CLEC9A: variants seen among roughly 807,000 people sequenced by gnomAD.
CLEC9A encodes C-type lectin domain containing 9A.
In CLEC9A, 24 loss-of-function variants were observed where a neutral mutation model predicts 30.0. That is an observed-to-expected ratio of 0.80 (90% confidence interval 0.58 to 1.13). The LOEUF (loss-of-function observed/expected upper bound fraction) is 1.13, where lower values mean the gene tolerates loss of function less well. CLEC9A is among the 50% of genes most tolerant of loss of function. CLEC9A has a pLI of 0.00. For synonymous variants in CLEC9A, 111 were observed against 96.8 expected, an observed-to-expected ratio of 1.15 and a Z score of -0.86; for missense variants, 251 against 280.9, an observed-to-expected ratio of 0.89 and a Z score of 0.76.
At chr12:10,047,555 G>A (rs1261827966) in intron 2 of CLEC9A, among the ~76,000 whole-genome samples, 4 of 152,082 alleles carry the variant, frequency 2.6e-5, no homozygotes, top group Admixed American at 6.5e-5. Flanking sequence ...AGCAAAATTC[G>A]ACTCCTCTGT....
intron 2 of CLEC9A, among the ~76,000 whole-genome samples, chr12:10,044,404 C>T (rs1328306713): frequency 6.6e-6 from 1 of 152,202 alleles, no homozygotes; most frequent in African/African-American, 2.4e-5. Context: ...TCTCAGGATA[C>T]TACAGCTACA....
At chr12:10,032,276 C>T (rs1865704534) in intron 1 of CLEC9A, among the ~76,000 whole-genome samples, 1 of 152,090 alleles carries the variant, frequency 6.6e-6, no homozygotes, top group Admixed American at 6.5e-5. Context: ...AAAGACGCCA[C>T]AGCCACACAG....
intron 1 of CLEC9A, among the ~76,000 whole-genome samples, chr12:10,039,089 T>G (rs1436138366): frequency 6.6e-6 from 1 of 152,256 alleles, no homozygotes; most frequent in Non-Finnish European, 1.5e-5. Context: ...CCATACTGCC[T>G]GCTCCTTGAT....
At chr12:10,050,718 A>G (rs1865886093) in intron 2 of CLEC9A, among the ~76,000 whole-genome samples, 1 of 152,308 alleles carries the variant, frequency 6.6e-6, no homozygotes, top group Non-Finnish European at 1.5e-5. Flanking sequence ...TTTGAGAACA[A>G]TTGGAAATTA....
At chr12:10,054,414 A>G (rs1388633348) in intron 5 of CLEC9A, 63 bp downstream of exon 5, 1 of 1,042,038 alleles carries the variant, frequency 9.6e-7, no homozygotes, top group Non-Finnish European at 1.4e-6. Context: ...CATAATTTAT[A>G]AATGGATGGA....
At chr12:10,050,935 T>C (rs1202118538) in intron 2 of CLEC9A, among the ~76,000 whole-genome samples, 1 of 152,210 alleles carries the variant, frequency 6.6e-6, no homozygotes, top group African/African-American at 2.4e-5. Flanking sequence ...CCAGGCACAG[T>C]GGTTCACGCT....
Position 10,041,510 on chromosome 12 carries a change from G to A in CLEC9A, c.-273G>A, listed in dbSNP as rs760591323. The A allele has an allele frequency of 2.0e-6, 1 of 491,334 alleles. No homozygotes were observed. Among genetic ancestry groups the A allele is most frequent in the Non-Finnish European group, 4.1e-6 (1 of 245,816 alleles). The allele number at this position is 491,334 out of a possible 1,614,324, so 30.4% of individuals were successfully genotyped here. The stretch of plus-strand genomic sequence containing the variant: ...CTGTGATGCCAACTGGACATATTAT[G>A]GAGATAGCTGCTATGGGTTCTTCAA... On this transcript the variant is annotated 5_prime_UTR_variant, in exon 2 of 9. It removes an upstream start codon present in the reference 5' UTR. Transcript: ENST00000355819.
chr12:10,058,687 T>C (rs2137312326), intron 5 of CLEC9A, among the ~76,000 whole-genome samples: 1 of 152,242 alleles, frequency 6.6e-6, no homozygotes, highest in Middle Eastern at 3.4e-3. Flanking sequence ...TGGGATTACA[T>C]GCGCACACCA....
intron 7 of CLEC9A, among the ~76,000 whole-genome samples, chr12:10,063,434 T>A (rs1168286539): frequency 6.6e-6 from 1 of 152,246 alleles, no homozygotes; most frequent in African/African-American, 2.4e-5. Context: ...AATATGTTTG[T>A]TCTATGTCCT....
intron 2 of CLEC9A, chr12:10,043,112 C>CTTTTTT: frequency 4.1e-6 from 1 of 241,318 alleles, no homozygotes; most frequent in Non-Finnish European, 8.3e-6. Context: ...TGTAATCCAA[C>CTTTTTT]TTTTTTTTTT....
At chr12:10,062,577 C>T (rs1447612267) in intron 6 of CLEC9A, among the ~76,000 whole-genome samples, 1 of 152,222 alleles carries the variant, frequency 6.6e-6, no homozygotes, top group African/African-American at 2.4e-5. Flanking sequence ...ACTACTTGTT[C>T]TCTCCATTAT....
intron 2 of CLEC9A, among the ~76,000 whole-genome samples, chr12:10,050,411 A>G (rs148286240): frequency 4.2e-4 from 64 of 152,280 alleles, no homozygotes; most frequent in African/African-American, 1.5e-3. Flanking sequence ...TGCAAAGCGC[A>G]ATAATGCAAA....
chr12:10,055,599 A>C (rs1018509494), intron 5 of CLEC9A, among the ~76,000 whole-genome samples: 2 of 152,226 alleles, frequency 1.3e-5, no homozygotes, highest in Non-Finnish European at 2.9e-5. Flanking sequence ...TTCCAATTAC[A>C]AACAAAATTA....
rs1382133188 is a variant in CLEC9A at position 10,065,379 on chromosome 12, C to T, written c.594-121C>T. ...CTGAAGAAGGAGGATGAAACCACCA[C>T]AGGAAGTTGCTGTGTCAACACAAAA... On this transcript the variant is annotated intron_variant, in intron 8 of 8. Transcript: ENST00000355819. The T allele has an allele frequency of 4.0e-6, 4 of 1,009,072 alleles. No individual in the cohort carries two copies. In the African/African-American group the frequency reaches 6.5e-5, roughly 17 times the overall value. 62.5% of individuals were successfully genotyped at this position (1,009,072 alleles called of 1,614,324 possible). A position where few individuals can be genotyped will look rare whatever the true frequency, so the allele number is the denominator to read the frequency against.
chr12:10,057,663 A>G (rs1865954990), intron 5 of CLEC9A, among the ~76,000 whole-genome samples: 1 of 151,952 alleles, frequency 6.6e-6, no homozygotes. Context: ...ATGGTTTTCT[A>G]AAGGTTGTAT....
chr12:10,058,030 C>T (rs1020963422), intron 5 of CLEC9A, among the ~76,000 whole-genome samples: 1 of 151,726 alleles, frequency 6.6e-6, no homozygotes, highest in African/African-American at 2.4e-5. Flanking sequence ...ATTGTTTTGT[C>T]TTTATTCCTC....
At chr12:10,064,331 C>A (rs1866023517) in intron 7 of CLEC9A, among the ~76,000 whole-genome samples, 1 of 152,174 alleles carries the variant, frequency 6.6e-6, no homozygotes. Context: ...AGTTAAGTTG[C>A]TCCTGGAATC....
intron 5 of CLEC9A, among the ~76,000 whole-genome samples, chr12:10,054,896 A>G (rs1157552571): frequency 6.6e-6 from 1 of 152,228 alleles, no homozygotes; most frequent in Non-Finnish European, 1.5e-5. Context: ...AAAAAGAACA[A>G]TGAACCTCTA....
intron 1 of CLEC9A, among the ~76,000 whole-genome samples, chr12:10,031,625 G>T (rs534137966): frequency 2.0e-4 from 30 of 152,246 alleles, no homozygotes; most frequent in African/African-American, 6.5e-4. Context: ...ATTTTATTTA[G>T]AAACGGGAGT....
Sources: allele counts gnomAD v4.1 joint callset (sites outside exome capture counted in the v4.1 genomes callset), GRCh38; gene constraint gnomAD v4.1.1; transcripts MANE v1.5; gene names NCBI Gene and HGNC (gene_info 2026-07-23, HGNC 2026-07-21).